ELP1: variants seen among roughly 807,000 people sequenced by gnomAD.
ELP1 encodes the protein elongator complex protein 1.
Under a neutral mutation model 183.2 loss-of-function variants are expected in ELP1, and 131 were observed. The observed-to-expected ratio is 0.72, with a 90% CI of 0.62 to 0.83. ELP1 has a LOEUF of 0.83. ELP1 is among the 40% of genes least tolerant of loss of function. The pLI is 0.00. For missense variants in ELP1, 1,550 were observed against 1,594.9 expected, an observed-to-expected ratio of 0.97 and a Z score of 0.48; for synonymous variants, 555 against 569.0, an observed-to-expected ratio of 0.98 and a Z score of 0.35.
chr9:108,921,976 T>C (rs908726521), intron 6 of ELP1, among the ~76,000 whole-genome samples: 29 of 152,218 alleles, frequency 1.9e-4, no homozygotes. Context: ...TTGTCCACTT[T>C]ACAGAGAATA....
intron 29 of ELP1, among the ~76,000 whole-genome samples, chr9:108,883,640 A>G (rs1828014022): frequency 6.6e-6 from 1 of 152,200 alleles, no homozygotes. Flanking sequence ...AGCAAAAGCA[A>G]TAACAAAGTA....
Position 108,891,415 on chromosome 9 carries a change from A to C in ELP1, c.2959-11T>G. ...AGCAATGCTGATATCCTGTGACAAG[A>C]GGAGATTTAGGACTGAGGAGGAAAT... On this transcript the variant is annotated splice_polypyrimidine_tract_variant and intron_variant, in intron 27 of 36. Transcript: ENST00000374647. 6.2e-7 allele frequency: 1 copy of C among 1,611,098 alleles called. No homozygotes were observed. The highest frequency in any genetic ancestry group is 8.5e-7 in the Non-Finnish European group (1 of 1,178,320).
chr9:108,888,999 C>T lies in ELP1; in HGVS notation c.3222+333G>A, dbSNP rs183516435. ...CCAAGAGTATGTAGCCTTCAATGATCCTGTTTTATAATGGTCCTTTCTCAT... is the reference window on the plus strand; with the variant it reads ...CCAAGAGTATGTAGCCTTCAATGATTCTGTTTTATAATGGTCCTTTCTCAT... On this transcript the variant is annotated intron_variant, in intron 29 of 36. Transcript: ENST00000374647. Among the ~76,000 whole-genome samples the T allele has an allele frequency of 1.4e-3, 217 of 152,242 alleles. 1 individual carries two copies. The highest frequency in any genetic ancestry group is 4.8e-3 in the African/African-American group (198 of 41,540).
chr9:108,917,350 C>A (rs560201133), intron 9 of ELP1, among the ~76,000 whole-genome samples, 197 bp downstream of exon 9: 1 of 152,040 alleles, frequency 6.6e-6, no homozygotes, highest in Non-Finnish European at 1.5e-5. Flanking sequence ...GCCTGTAATC[C>A]CAGCTACTCG....
intron 13 of ELP1, 40 bp from the exon 14 acceptor site, chr9:108,906,525 A>C (rs1829027479): frequency 6.4e-7 from 1 of 1,562,960 alleles, no homozygotes; most frequent in Admixed American, 1.7e-5. Flanking sequence ...CATGAATAAA[A>C]CTTAAAAACC....
At position 108,926,520 on chromosome 9, in the gene ELP1, T is replaced by C. The variant is rs772088369; in HGVS notation, c.466+3A>G. The stretch of plus-strand genomic sequence containing the variant: ...ACAAAATATTGCACAAAGCTATACT[T>C]ACTTTCACCAAAATCATCCTGATGG... On this transcript the variant is annotated splice_donor_region_variant and intron_variant, in intron 5 of 36. Coordinates refer to ENST00000374647, the MANE Select transcript of ELP1 (RefSeq NM_003640.5). 1 of 1,610,586 alleles carries C rather than the reference T, an allele frequency of 6.2e-7. No individual in the cohort carries two copies. Among genetic ancestry groups the C allele is most frequent in the Non-Finnish European group, 8.5e-7 (1 of 1,177,922 alleles).
intron 5 of ELP1, among the ~76,000 whole-genome samples, chr9:108,924,239 T>C: frequency 6.6e-6 from 1 of 152,196 alleles, no homozygotes; most frequent in East Asian, 1.9e-4. Flanking sequence ...ATGTATCATG[T>C]ATAACTTTCA....
At chr9:108,905,896 CACATAT>C (rs1564091601) in intron 14 of ELP1, among the ~76,000 whole-genome samples, 1 of 136,046 alleles carries the variant, frequency 7.4e-6, no homozygotes, top group African/African-American at 3.1e-5. Flanking sequence ...CACACACACA[CACATAT>C]ATGCGCATGA....
In ELP1 at chr9:108,891,367, T is replaced by C; in HGVS notation, c.2996A>G (p.Glu999Gly). 1 of 1,614,000 alleles carries C rather than the reference T, an allele frequency of 6.2e-7. No individual in the cohort carries two copies. Among genetic ancestry groups the C allele is most frequent in the Non-Finnish European group, 8.5e-7 (1 of 1,180,022 alleles). ...GAGCCCCGCTGGCTCATACATGTGC[T>C]CCTGCATCAGGTGCTCCCCATAAGC... is the stretch of plus-strand genomic sequence containing the variant. ...SIAYGEHLMQ[E>G]HMYEPAGLMF... is the part of the protein sequence containing the mutation. Residue 999 changes from glutamate to glycine, a missense_variant, in exon 28 of 37, where the codon GAG (glutamate) becomes GGG (glycine). By Grantham distance (98) the Glu-to-Gly change is moderately conservative (BLOSUM62 -2). Coordinates refer to ENST00000374647, the MANE Select transcript of ELP1 (RefSeq NM_003640.5).
chr9:108,897,287 T>C lies in ELP1; in HGVS notation c.2364-2A>G. 1 of 1,614,018 alleles carries C rather than the reference T, an allele frequency of 6.2e-7. No individual in the cohort carries two copies. Among genetic ancestry groups the C allele is most frequent in the Non-Finnish European group, 8.5e-7 (1 of 1,180,004 alleles). ...ATGGTCTTCGTGACATCTTCTTCTCTAAGAACAGGTGTGTATGGAATGGTC... is the reference window on the plus strand; with the variant it reads ...ATGGTCTTCGTGACATCTTCTTCTCCAAGAACAGGTGTGTATGGAATGGTC... On this transcript the variant is annotated splice_acceptor_variant, in intron 22 of 36. Coordinates refer to ENST00000374647, the MANE Select transcript of ELP1 (RefSeq NM_003640.5). LOFTEE classifies it high-confidence loss of function.
intron 36 of ELP1, among the ~76,000 whole-genome samples, chr9:108,874,274 C>T (rs1827608633): frequency 6.7e-6 from 1 of 148,206 alleles, no homozygotes; most frequent in African/African-American, 2.6e-5. Flanking sequence ...AAGTCCCAAG[C>T]TGACTCATCA....
intron 6 of ELP1, among the ~76,000 whole-genome samples, chr9:108,922,050 G>A (rs1021553813): frequency 2.0e-5 from 3 of 152,166 alleles, no homozygotes; most frequent in Non-Finnish European, 2.9e-5. Flanking sequence ...ATGTTATGAG[G>A]ATAATGTAAT....
intron 33 of ELP1, among the ~76,000 whole-genome samples, chr9:108,878,989 TCTA>T (rs145144384): frequency 1.7e-3 from 265 of 152,362 alleles, no homozygotes; most frequent in Middle Eastern, 6.8e-3. Flanking sequence ...TTTGGTAACA[TCTA>T]CTGCACCTAC....
chr9:108,882,941 T>C (rs1827987251), intron 29 of ELP1, among the ~76,000 whole-genome samples: 1 of 152,246 alleles, frequency 6.6e-6, no homozygotes, highest in Non-Finnish European at 1.5e-5. Flanking sequence ...TTACATATTC[T>C]GGATATTAAA....
chr9:108,931,137 G>A lies in ELP1; in HGVS notation c.10C>T (p.Leu4=). 1.2e-6 allele frequency: 2 copies of A among 1,614,096 alleles called. No individual in the cohort carries two copies. Among genetic ancestry groups the A allele is most frequent in the Non-Finnish European group, 1.7e-6 (2 of 1,179,970 alleles). The change falls in exon 2 of 37, where the codon CTG becomes TTG. Residue 4 remains leucine, a synonymous_variant. Coordinates refer to ENST00000374647, the MANE Select transcript of ELP1 (RefSeq NM_003640.5). ...AACTCCAGGGTCCGAAATAATTTCA[G>A]ATTTCGCATGATGAAGTGATTCCCA... MRN[L]KLFRTLEFRD...
chr9:108,914,983 A>G (rs1829378020), intron 10 of ELP1, among the ~76,000 whole-genome samples: 1 of 152,326 alleles, frequency 6.6e-6, no homozygotes, highest in African/African-American at 2.4e-5. Flanking sequence ...AGATATATAC[A>G]TGAAAAACCT....
At chr9:108,908,833 C>T (rs1451402949) in intron 12 of ELP1, among the ~76,000 whole-genome samples, 1 of 152,206 alleles carries the variant, frequency 6.6e-6, no homozygotes, top group African/African-American at 2.4e-5. Context: ...CCTCTGGTGG[C>T]TCCTATCTCA....
Position 108,880,053 on chromosome 9 carries a change from CA to C in ELP1, c.3458del (p.Leu1153ArgfsTer21). The C allele has an allele frequency of 5.6e-6, 9 of 1,607,556 alleles. No individual in the cohort carries two copies. The highest frequency in any genetic ancestry group is 6.8e-6 in the Non-Finnish European group (8 of 1,173,940). On this transcript the variant is annotated frameshift_variant and splice_region_variant, in exon 32 of 37. Coordinates refer to ENST00000374647, the MANE Select transcript of ELP1 (RefSeq NM_003640.5). LOFTEE classifies it high-confidence loss of function. ...ELKEQAQQAG[L>X]DDEVPHGQES... ...GATGGCCTTCACGCAGATACTCACC[CA>C]GACCTGCCTGCTGGGCTTGCTCCTT...
Position 108,900,525 on chromosome 9 carries a change from C to A in ELP1, c.2015-150G>T, listed in dbSNP as rs1828737840. 3 of 715,486 alleles carry A rather than the reference C, an allele frequency of 4.2e-6. No homozygotes were observed. In the South Asian group the frequency reaches 4.5e-5, roughly 11 times the overall value. The allele number at this position is 715,486 out of a possible 1,614,324, so 44.3% of individuals were successfully genotyped here. ...TCCCACTGAACCTCAAGACTATCAG[C>A]CCTGCTGATGAACACGCTCATCCCT... On this transcript the variant is annotated intron_variant, in intron 18 of 36. Transcript: ENST00000374647.
Sources: allele counts gnomAD v4.1 joint callset (sites outside exome capture counted in the v4.1 genomes callset), GRCh38; gene constraint gnomAD v4.1.1; transcripts MANE v1.5; gene names NCBI Gene and HGNC (gene_info 2026-07-23, HGNC 2026-07-21).